The following C1orf21 variants were observed in gnomAD, a reference collection of about 807,000 sequenced individuals.
C1orf21 encodes the protein chromosome 1 open reading frame 21, also known as uncharacterized protein C1orf21.
A neutral mutation model predicts 18.7 loss-of-function variants in C1orf21; 3 were observed. That is an observed-to-expected ratio of 0.16 (90% CI 0.07 to 0.42). The LOEUF (loss-of-function observed/expected upper bound fraction) is 0.42. Among genes scored for constraint, C1orf21 ranks in the 10% least tolerant of loss-of-function variants. The pLI is 0.99. For missense variants in C1orf21, 104 were observed against 143.6 expected (o/e 0.72, Z 1.41); for synonymous variants, 41 against 46.4 (o/e 0.88, Z 0.47).
intron 2 of C1orf21, among the ~76,000 whole-genome samples, chr1:184,503,639 C>G (rs187419673): frequency 1.3e-5 from 2 of 152,214 alleles, no homozygotes; most frequent in Admixed American, 6.5e-5. Context: ...GTGATTGACG[C>G]CTTCACTCTT....
intron 3 of C1orf21, among the ~76,000 whole-genome samples, chr1:184,533,885 T>G (rs969095067): frequency 2.0e-5 from 3 of 152,246 alleles, no homozygotes; most frequent in African/African-American, 7.2e-5. Context: ...CTGCCTTTGT[T>G]TCTTTGCCAT....
intron 1 of C1orf21, among the ~76,000 whole-genome samples, chr1:184,423,328 T>A (rs1012052138): frequency 1.3e-5 from 2 of 152,160 alleles, no homozygotes; most frequent in African/African-American, 4.8e-5. Context: ...CAGATAACTT[T>A]GTGAGGATGA....
intron 2 of C1orf21, among the ~76,000 whole-genome samples, chr1:184,499,723 C>G (rs779153001): frequency 6.6e-6 from 1 of 151,776 alleles, no homozygotes; most frequent in Non-Finnish European, 1.5e-5. Context: ...AGACTCAGAC[C>G]AACCAGGATT....
chr1:184,504,943 G>A (rs1256566995), intron 2 of C1orf21, among the ~76,000 whole-genome samples: 1 of 152,156 alleles, frequency 6.6e-6, no homozygotes, highest in African/African-American at 2.4e-5. Context: ...CCTGTGTTTA[G>A]AATAATGCTG....
rs78720013 is a variant in C1orf21, at chr1:184,595,056, C to T, written c.267-3345C>T. Among the ~76,000 whole-genome samples, 46 of 152,304 alleles carry T rather than the reference C, an allele frequency of 3.0e-4. No individual in the cohort carries two copies. The East Asian group carries it at 7.9e-3, about 26-fold the overall frequency. On this transcript the variant is annotated intron_variant, in intron 4 of 5. Coordinates refer to ENST00000235307, the MANE Select transcript of C1orf21 (RefSeq NM_030806.4). ...TGTTTGAGGGTGCAGAGTTAATTCA[C>T]AAGAGCTTTGCCAGCGCTGACCAAG...
intron 3 of C1orf21, among the ~76,000 whole-genome samples, chr1:184,507,958 G>T (rs947878692): frequency 7.2e-5 from 11 of 152,108 alleles, no homozygotes; most frequent in African/African-American, 2.4e-4. Flanking sequence ...TAATGAAGTA[G>T]GATTGAGGTT....
chr1:184,530,390 A>C (rs1426214175), intron 3 of C1orf21, among the ~76,000 whole-genome samples: 1 of 152,116 alleles, frequency 6.6e-6, no homozygotes, highest in African/African-American at 2.4e-5. Context: ...TGCATCAGTG[A>C]TAGCTTTGAT....
At chr1:184,498,665 A>G (rs1029154829) in intron 2 of C1orf21, among the ~76,000 whole-genome samples, 1 of 152,186 alleles carries the variant, frequency 6.6e-6, no homozygotes, top group African/African-American at 2.4e-5. Flanking sequence ...GTGAGATACT[A>G]TATTAGTATC....
intron 1 of C1orf21, among the ~76,000 whole-genome samples, chr1:184,400,404 TTGTA>T (rs1437140473): frequency 2.0e-5 from 3 of 152,078 alleles, no homozygotes; most frequent in Non-Finnish European, 4.4e-5. Flanking sequence ...GTGTGTGTGT[TTGTA>T]TGTATGTGTA....
intron 1 of C1orf21, among the ~76,000 whole-genome samples, chr1:184,433,608 T>A (rs1034174802): frequency 2.0e-5 from 3 of 152,178 alleles, no homozygotes; most frequent in South Asian, 2.1e-4. Flanking sequence ...TAATTAAAAA[T>A]TTTTTAGTTG....
chr1:184,423,373 TC>T (rs1168148358), intron 1 of C1orf21, among the ~76,000 whole-genome samples: 1 of 152,150 alleles, frequency 6.6e-6, no homozygotes, highest in Non-Finnish European at 1.5e-5. Context: ...GGAGGATATA[TC>T]CAAGATGGGT....
chr1:184,574,817 T>G (rs903765449), intron 3 of C1orf21, among the ~76,000 whole-genome samples: 2 of 152,182 alleles, frequency 1.3e-5, no homozygotes, highest in African/African-American at 2.4e-5. Flanking sequence ...GGGATGTGGC[T>G]CATTTGTTCT....
In C1orf21 at chr1:184,410,624, T is replaced by TGGC. The variant is rs1164443222; in HGVS notation, c.-125+23256_-125+23257insGGC. On this transcript the variant is annotated intron_variant, in intron 1 of 5. Coordinates refer to ENST00000235307, the MANE Select transcript of C1orf21 (RefSeq NM_030806.4). ...ATTAATTTGCCATATATATTATATA[T>TGGC]ATATATATATATATATATATATATA... 1.8e-3 allele frequency among the ~76,000 whole-genome samples: 5 copies of TGGC among 2,810 alleles called. No individual in the cohort carries two copies. The East Asian group carries it at 0.05, about 28-fold the overall frequency. 1.8% of individuals were successfully genotyped at this position (2,810 alleles called of 152,430 possible).
intron 1 of C1orf21, among the ~76,000 whole-genome samples, chr1:184,471,064 A>T (rs1056779564): frequency 6.6e-6 from 1 of 152,142 alleles, no homozygotes; most frequent in Admixed American, 6.6e-5. Flanking sequence ...AGTGTCAGCC[A>T]TGCATGAGCT....
chr1:184,528,896 C>T (rs1658417201), intron 3 of C1orf21, among the ~76,000 whole-genome samples: 1 of 152,062 alleles, frequency 6.6e-6, no homozygotes, highest in South Asian at 2.1e-4. Flanking sequence ...CAGCCATTCT[C>T]TTCTGTTGAT....
intron 3 of C1orf21, among the ~76,000 whole-genome samples, chr1:184,543,429 G>T (rs1255020370): frequency 6.6e-6 from 1 of 152,172 alleles, no homozygotes. Flanking sequence ...TATTCGTCAT[G>T]TACCAGTGAG....
chr1:184,514,976 T>A (rs1402361887), intron 3 of C1orf21, among the ~76,000 whole-genome samples: 1 of 152,230 alleles, frequency 6.6e-6, no homozygotes, highest in Non-Finnish European at 1.5e-5. Flanking sequence ...CCCAAATTAC[T>A]AACAGTGGAT....
intron 1 of C1orf21, among the ~76,000 whole-genome samples, chr1:184,417,255 A>G (rs1656467207): frequency 6.6e-6 from 1 of 152,166 alleles, no homozygotes; most frequent in Admixed American, 6.5e-5. Context: ...ATAAAAAGAA[A>G]ATGGCCTTTG....
chr1:184,589,711 A>G (rs2101998646), intron 3 of C1orf21, among the ~76,000 whole-genome samples: 1 of 152,342 alleles, frequency 6.6e-6, no homozygotes, highest in African/African-American at 2.4e-5. Context: ...ATAGGCACAT[A>G]AGCTCATGTT....
Sources: gnomAD v4.1 joint callset for allele counts (sites outside exome capture counted in the v4.1 genomes callset) on GRCh38, gnomAD v4.1.1 for gene constraint, MANE v1.5 for transcripts, NCBI Gene and HGNC (gene_info 2026-07-23, HGNC 2026-07-21) for gene names.